The following HCN1 variants were observed in gnomAD, a reference collection of about 807,000 sequenced individuals.
HCN1 encodes the protein potassium/sodium hyperpolarization-activated cyclic nucleotide-gated channel 1.
In HCN1, 13 loss-of-function variants were observed where a neutral mutation model predicts 78.9. The ratio of observed to expected loss-of-function variants is 0.16; its 90% CI spans 0.11 to 0.26. HCN1 has a LOEUF of 0.26. HCN1 is among the 10% of genes least tolerant of loss of function. The probability of loss-of-function intolerance (pLI) is 1.00; values close to 1 mark genes in which losing one functional copy is unlikely to be tolerated. For missense variants in HCN1, 810 were observed against 1,154.3 expected (o/e 0.70, Z 4.32); for synonymous variants, 552 against 455.5 (o/e 1.21, Z -2.70).
At chr5:45,371,960 TATATA>T (rs1387809143) in intron 4 of HCN1, among the ~76,000 whole-genome samples, 6 of 86,434 alleles carry the variant, frequency 6.9e-5, no homozygotes, top group Non-Finnish European at 1.0e-4. Flanking sequence ...ATAATATAAT[TATATA>T]TTATATTATG....
intron 2 of HCN1, among the ~76,000 whole-genome samples, chr5:45,560,150 A>G (rs1743565313): frequency 1.3e-5 from 2 of 152,164 alleles, no homozygotes; most frequent in Admixed American, 1.3e-4. Context: ...ATAGAAAACC[A>G]AAACTATTGG....
At chr5:45,547,522 T>A (rs577471325) in intron 2 of HCN1, among the ~76,000 whole-genome samples, 1 of 151,914 alleles carries the variant, frequency 6.6e-6, no homozygotes, top group Non-Finnish European at 1.5e-5. Flanking sequence ...CAGGCTGAGC[T>A]TTAATGTAGA....
intron 2 of HCN1, among the ~76,000 whole-genome samples, chr5:45,607,056 A>G (rs1744738644): frequency 6.6e-6 from 1 of 151,812 alleles, no homozygotes; most frequent in African/African-American, 2.4e-5. Context: ...TATTAAAATT[A>G]CCATATGAAA....
chr5:45,299,380 G>T (rs1020920912), intron 6 of HCN1, among the ~76,000 whole-genome samples: 7 of 151,908 alleles, frequency 4.6e-5, no homozygotes, highest in African/African-American at 1.7e-4. Context: ...ACCGTAAAAA[G>T]GGAACCATAT....
At chr5:45,396,423 T>G (rs1739688436) in intron 4 of HCN1, 69 bp downstream of exon 4, 2 of 1,239,974 alleles carry the variant, frequency 1.6e-6, no homozygotes, top group Non-Finnish European at 2.3e-6. Flanking sequence ...GTAGTTATCT[T>G]GAACACAATT....
At chr5:45,352,970 G>T (rs1051431195) in intron 5 of HCN1, 130 bp downstream of exon 5, 10 of 727,556 alleles carry the variant, frequency 1.4e-5, no homozygotes, top group Middle Eastern at 7.9e-4. Flanking sequence ...AGAAGCTAAA[G>T]AAGATAAGGA....
At chr5:45,547,467 C>T (rs554004426) in intron 2 of HCN1, among the ~76,000 whole-genome samples, 5 of 151,898 alleles carry the variant, frequency 3.3e-5, no homozygotes, top group South Asian at 2.1e-4. Flanking sequence ...TTAATACTAG[C>T]GGAGAGAGTC....
chr5:45,573,344 A>G (rs1743871067), intron 2 of HCN1, among the ~76,000 whole-genome samples: 1 of 152,058 alleles, frequency 6.6e-6, no homozygotes, highest in African/African-American at 2.4e-5. Flanking sequence ...TGACTAAGGT[A>G]TTGTCTCATT....
intron 6 of HCN1, among the ~76,000 whole-genome samples, chr5:45,270,717 C>T (rs1450296112): frequency 6.6e-6 from 1 of 151,996 alleles, no homozygotes; most frequent in Non-Finnish European, 1.5e-5. Context: ...TTGTCTTATG[C>T]TTAGAAATTA....
At chr5:45,350,407 C>G (rs1746866463) in intron 5 of HCN1, among the ~76,000 whole-genome samples, 1 of 152,150 alleles carries the variant, frequency 6.6e-6, no homozygotes, top group Non-Finnish European at 1.5e-5. Flanking sequence ...GACAAACCCA[C>G]AGCCAATATC....
At chr5:45,452,680 C>T (rs1365869506) in intron 3 of HCN1, among the ~76,000 whole-genome samples, 1 of 151,708 alleles carries the variant, frequency 6.6e-6, no homozygotes, top group Admixed American at 6.6e-5. Flanking sequence ...TTAGTCTATT[C>T]TATATTTTAA....
intron 2 of HCN1, among the ~76,000 whole-genome samples, chr5:45,619,278 G>A (rs1031917236): frequency 4.6e-5 from 7 of 152,034 alleles, no homozygotes; most frequent in East Asian, 1.9e-4. Flanking sequence ...AGCAATGAGC[G>A]TATCTGGCAC....
chr5:45,644,722 A>T (rs777355558), intron 2 of HCN1: 1 of 158,238 alleles, frequency 6.3e-6, no homozygotes, highest in African/African-American at 2.4e-5. Flanking sequence ...TAAAGAAACA[A>T]TCTGTTTTAC....
chr5:45,459,612 T>C (rs1298566060), intron 3 of HCN1, among the ~76,000 whole-genome samples: 2 of 152,140 alleles, frequency 1.3e-5, no homozygotes, highest in Non-Finnish European at 2.9e-5. Flanking sequence ...AATGTGTTTA[T>C]CATCAGATAT....
chr5:45,478,555 T>C (rs1431169056), intron 2 of HCN1, among the ~76,000 whole-genome samples: 7 of 152,128 alleles, frequency 4.6e-5, no homozygotes, highest in Non-Finnish European at 1.0e-4. Context: ...GATAAGGTGA[T>C]AGTTATCCGT....
chr5:45,288,441 C>T (rs1276975369), intron 6 of HCN1, among the ~76,000 whole-genome samples: 2 of 151,896 alleles, frequency 1.3e-5, no homozygotes, highest in East Asian at 1.9e-4. Context: ...CCCATTCTAA[C>T]GGAATCATTG....
In HCN1 at chr5:45,254,966, AT is replaced by A. The variant is rs1382849378; in HGVS notation, c.*6954del. 6.6e-6 allele frequency: 1 copy of A among 152,266 alleles called. No homozygotes were observed. The highest frequency in any genetic ancestry group is 1.5e-5 in the Non-Finnish European group (1 of 68,068). The allele number at this position is 152,266 out of a possible 1,614,324, so 9.4% of individuals were successfully genotyped here. On this transcript the variant is annotated 3_prime_UTR_variant, in exon 8 of 8. Transcript: ENST00000303230. ...TGCAAAATATTGACCACATTCATTT[AT>A]TTTTATAATGTCAATGTATTATTGA...
At chr5:45,412,923 T>G (rs933455552) in intron 3 of HCN1, among the ~76,000 whole-genome samples, 2 of 152,098 alleles carry the variant, frequency 1.3e-5, no homozygotes, top group Non-Finnish European at 2.9e-5. Context: ...TGAATGTATA[T>G]CAAGCACATA....
chr5:45,488,586 ATG>A (rs1438262756), intron 2 of HCN1, among the ~76,000 whole-genome samples: 2 of 152,118 alleles, frequency 1.3e-5, no homozygotes, highest in African/African-American at 2.4e-5. Context: ...ATATATTGAA[ATG>A]CTCTAAAGAG....
Sources: allele counts gnomAD v4.1 joint callset (sites outside exome capture counted in the v4.1 genomes callset), GRCh38; gene constraint gnomAD v4.1.1; transcripts MANE v1.5; gene names NCBI Gene and HGNC (gene_info 2026-07-23, HGNC 2026-07-21).